AFDN: variants seen among roughly 807,000 people sequenced by gnomAD.
The protein encoded by AFDN is afadin, adherens junction formation factor.
A neutral mutation model predicts 216.6 loss-of-function variants in AFDN; 68 were observed. The observed-to-expected ratio is 0.31, with a 90% CI of 0.26 to 0.38. The LOEUF (loss-of-function observed/expected upper bound fraction) is 0.38, where lower values mean the gene tolerates loss of function less well. Ranked by LOEUF, AFDN falls within the 10% of genes least tolerant of loss-of-function variation. The probability of loss-of-function intolerance (pLI) is 1.00; values close to 1 mark genes in which losing one functional copy is unlikely to be tolerated. For missense variants in AFDN, 2,136 were observed against 2,342.0 expected (o/e 0.91, Z 1.82); for synonymous variants, 868 against 853.7 (o/e 1.02, Z -0.29).
chr6:167,903,102 C>T lies in AFDN; in HGVS notation c.1650+716C>T, dbSNP rs140647984. On this transcript the variant is annotated intron_variant, in intron 12 of 33. Transcript: ENST00000683244. ...AGTTAACTTCTCAGACACTTTGCTT[C>T]CATAATGATCCCTTATCTCTGGAAT... 2.3e-3 allele frequency among the ~76,000 whole-genome samples: 353 copies of T among 152,346 alleles called. 4 individuals carry two copies. Among genetic ancestry groups the T allele is most frequent in the African/African-American group, 7.5e-3 (313 of 41,564 alleles).
At position 167,853,921 on chromosome 6, in the gene AFDN, A is replaced by G. The variant is rs569174069; in HGVS notation, c.106-10630A>G. Among the ~76,000 whole-genome samples the G allele has an allele frequency of 2.0e-5, 3 of 152,146 alleles. No homozygotes were observed. The East Asian group carries it at 5.8e-4, about 29-fold the overall frequency. On this transcript the variant is annotated intron_variant, in intron 1 of 33. Coordinates refer to ENST00000683244, the MANE Select transcript of AFDN (RefSeq NM_001386888.1). Reference sequence around the variant, plus strand: ...TTTTCAAACATTTGCTTTTATAAACATTGCCACAGTGAATAGCCTTTCGCA... The same window carrying G: ...TTTTCAAACATTTGCTTTTATAAACGTTGCCACAGTGAATAGCCTTTCGCA...
intron 23 of AFDN, among the ~76,000 whole-genome samples, chr6:167,935,835 A>G (rs1270417322): frequency 6.6e-6 from 1 of 151,834 alleles, no homozygotes; most frequent in East Asian, 1.9e-4. Context: ...TGTAAATTAT[A>G]GTATGGTAAA....
chr6:167,903,951 T>C (rs1268873880), intron 12 of AFDN, among the ~76,000 whole-genome samples: 1 of 152,202 alleles, frequency 6.6e-6, no homozygotes, highest in Non-Finnish European at 1.5e-5. Flanking sequence ...TTCTGTTGGC[T>C]TCTAGGGTAT....
At chr6:167,848,731 A>G (rs1781970937) in intron 1 of AFDN, among the ~76,000 whole-genome samples, 1 of 152,210 alleles carries the variant, frequency 6.6e-6, no homozygotes, top group African/African-American at 2.4e-5. Context: ...GATATGCTCT[A>G]AAGTATTTGA....
In AFDN at chr6:167,870,483, C is replaced by T. The variant is rs376282690; in HGVS notation, c.399C>T (p.Asp133=). ...EGRFVLKNEN[D]AIPPKKAQSN... ...GATTTGTTCTTAAGAATGAGAATGA[C>T]GCCATTCCTCCTAAGGTAGGAACCC... Residue 133 remains aspartate, a synonymous_variant, in exon 3 of 34, where the codon GAC becomes GAT. Coordinates refer to ENST00000683244, the MANE Select transcript of AFDN (RefSeq NM_001386888.1). 19 of 1,608,086 alleles carry T rather than the reference C, an allele frequency of 1.2e-5. No individual in the cohort carries two copies. Among genetic ancestry groups the T allele is most frequent in the South Asian group, 4.4e-5 (4 of 90,202 alleles).
chr6:167,954,557 G>A, intron 30 of AFDN: 1 of 1,464,744 alleles, frequency 6.8e-7, no homozygotes, highest in Non-Finnish European at 9.4e-7. Flanking sequence ...TCTTTCAGTG[G>A]TGGCTGTTTG....
chr6:167,949,346 G>A (rs983840277), intron 29 of AFDN, among the ~76,000 whole-genome samples: 1 of 152,184 alleles, frequency 6.6e-6, no homozygotes, highest in South Asian at 2.1e-4. Context: ...AGTTGAGATG[G>A]AATTTGAGCT....
At chr6:167,875,800 G>T (rs1392513872) in intron 5 of AFDN, among the ~76,000 whole-genome samples, 1 of 151,772 alleles carries the variant, frequency 6.6e-6, no homozygotes, top group Non-Finnish European at 1.5e-5. Context: ...TATCACTGAG[G>T]TTTCTTCTGT....
chr6:167,948,024 A>T, intron 28 of AFDN, 80 bp downstream of exon 28: 1 of 1,063,074 alleles, frequency 9.4e-7, no homozygotes, highest in Non-Finnish European at 1.4e-6. Context: ...GTTATCTAGT[A>T]CAATTTTTAC....
chr6:167,907,298 C>G lies in AFDN; in HGVS notation c.1769+9C>G, dbSNP rs767664642. 2 of 1,601,484 alleles carry G rather than the reference C, an allele frequency of 1.2e-6. No homozygotes were observed. The highest frequency in any genetic ancestry group is 2.2e-5 in the South Asian group (2 of 90,728). ...CGCAGGCAAGAAAGCAGGTAGGAAACACATCATTTTTCAATGGTGAAAGTA... is the reference window on the plus strand; with the variant it reads ...CGCAGGCAAGAAAGCAGGTAGGAAAGACATCATTTTTCAATGGTGAAAGTA... On this transcript the variant is annotated intron_variant, in intron 13 of 33. Coordinates refer to ENST00000683244, the MANE Select transcript of AFDN (RefSeq NM_001386888.1).
In AFDN at chr6:167,915,255, A is replaced by G. The variant is rs778603932; in HGVS notation, c.2387A>G (p.Gln796Arg). The change falls in exon 19 of 34, where the codon CAG (glutamine) becomes CGG (arginine). Residue 796 changes from glutamine to arginine, a missense_variant. Gln to Arg is a conservative substitution (Grantham distance 43, BLOSUM62 1). Transcript: ENST00000683244. ...GCCCTGACCATCCAGCTCTTCTCTC[A>G]GCTCTTCCACTTCATCAATATGTGG... ...NAALTIQLFS[Q>R]LFHFINMWLF... The G allele has an allele frequency of 6.2e-7, 1 of 1,614,100 alleles. No homozygotes were observed. Among genetic ancestry groups the G allele is most frequent in the Non-Finnish European group, 8.5e-7 (1 of 1,180,054 alleles).
At chr6:167,901,790 TA>T (rs562777493) in intron 11 of AFDN, among the ~76,000 whole-genome samples, 209 of 146,784 alleles carry the variant, frequency 1.4e-3, no homozygotes, top group Non-Finnish European at 2.1e-3. Flanking sequence ...CTTGTATAGT[TA>T]AAAAAAAAAA....
chr6:167,897,222 C>G (rs1168541699), intron 10 of AFDN, among the ~76,000 whole-genome samples: 1 of 152,186 alleles, frequency 6.6e-6, no homozygotes, highest in Non-Finnish European at 1.5e-5. Flanking sequence ...GCTTCCTTTT[C>G]TCTAAAAGAT....
chr6:167,884,592 AT>A (rs936237920), intron 6 of AFDN, among the ~76,000 whole-genome samples: 1 of 151,262 alleles, frequency 6.6e-6, no homozygotes, highest in Admixed American at 6.6e-5. Flanking sequence ...AAGGGTTCTT[AT>A]TTTTTTTTCT....
rs1031410313 is a variant in AFDN at position 167,963,466 on chromosome 6, A to G, written c.4968+899A>G. On this transcript the variant is annotated intron_variant, in intron 31 of 33. Transcript: ENST00000683244. ...CTTCTTGGATAGTCTAGTGAACTATATTAATAGAACAGTGTACTGTTCACA... is the reference window on the plus strand; with the variant it reads ...CTTCTTGGATAGTCTAGTGAACTATGTTAATAGAACAGTGTACTGTTCACA... 5.7e-6 allele frequency: 6 copies of G among 1,053,650 alleles called. No homozygotes were observed. The African/African-American group carries it at 6.6e-5, about 12-fold the overall frequency. 65.3% of individuals were successfully genotyped at this position (1,053,650 alleles called of 1,614,324 possible). A position where few individuals can be genotyped will look rare whatever the true frequency, so the allele number is the denominator to read the frequency against.
chr6:167,865,018 A>G, intron 2 of AFDN: 1 of 532,862 alleles, frequency 1.9e-6, no homozygotes, highest in Non-Finnish European at 3.5e-6. Context: ...CGTTACATTT[A>G]TCCAACATAT....
chr6:167,863,913 A>G (rs543654678), intron 1 of AFDN: 1 of 392,900 alleles, frequency 2.5e-6, no homozygotes, highest in African/African-American at 2.0e-5. Flanking sequence ...GCTTTTTGCC[A>G]TTGAAAATAA....
At chr6:167,960,823 A>C (rs1325279904) in intron 30 of AFDN, among the ~76,000 whole-genome samples, 1 of 151,690 alleles carries the variant, frequency 6.6e-6, no homozygotes, top group Admixed American at 6.6e-5. Flanking sequence ...AGTGGCATCT[A>C]CTCCTGCTAT....
intron 1 of AFDN, among the ~76,000 whole-genome samples, chr6:167,843,172 C>T (rs999327070): frequency 2.0e-5 from 3 of 152,180 alleles, no homozygotes; most frequent in Admixed American, 6.5e-5. Context: ...ACCTCCACAT[C>T]GTAAACTTGA....
Sources: gnomAD v4.1 joint callset for allele counts (sites outside exome capture counted in the v4.1 genomes callset) on GRCh38, gnomAD v4.1.1 for gene constraint, MANE v1.5 for transcripts, NCBI Gene and HGNC (gene_info 2026-07-23, HGNC 2026-07-21) for gene names.